Variants in WDR72 observed in about 807,000 individuals in gnomAD.
WDR72 encodes the protein WD repeat domain 72.
WDR72 carries 120 observed loss-of-function variants against 124.2 expected under a neutral mutation model. The ratio of observed to expected loss-of-function variants is 0.97; its 90% CI spans 0.83 to 1.12. The LOEUF (loss-of-function observed/expected upper bound fraction) is 1.12. Ranked by LOEUF, WDR72 falls within the 50% of genes most tolerant of loss-of-function variation. The pLI, the probability that WDR72 is intolerant of heterozygous loss-of-function variation, is 0.00. For missense variants in WDR72, 1,387 were observed against 1,278.8 expected, an observed-to-expected ratio of 1.08 and a Z score of -1.29; for synonymous variants, 452 against 441.7, an observed-to-expected ratio of 1.02 and a Z score of -0.29.
intron 1 of WDR72, among the ~76,000 whole-genome samples, chr15:53,734,878 T>C (rs2018306397): frequency 6.6e-6 from 1 of 151,782 alleles, no homozygotes; most frequent in Non-Finnish European, 1.5e-5. Context: ...TCTGGAGTTA[T>C]GTATAATACT....
At chr15:53,607,749 A>G (rs1406844338) in intron 17 of WDR72, among the ~76,000 whole-genome samples, 1 of 152,178 alleles carries the variant, frequency 6.6e-6, no homozygotes, top group Admixed American at 6.6e-5. Flanking sequence ...AATATTTGCA[A>G]ACTACCCATC....
At chr15:53,698,896 T>C (rs1201010174) in intron 13 of WDR72, among the ~76,000 whole-genome samples, 1 of 152,180 alleles carries the variant, frequency 6.6e-6, no homozygotes, top group Non-Finnish European at 1.5e-5. Context: ...TATAAAACAA[T>C]TTACAAATGT....
intron 19 of WDR72, among the ~76,000 whole-genome samples, chr15:53,520,300 A>AATT (rs1891719596): frequency 6.6e-6 from 1 of 152,088 alleles, no homozygotes; most frequent in African/African-American, 2.4e-5. Flanking sequence ...ATGATGTAAT[A>AATT]ATTATATTAG....
At chr15:53,681,454 C>A (rs550158758) in intron 13 of WDR72, among the ~76,000 whole-genome samples, 2 of 152,164 alleles carry the variant, frequency 1.3e-5, no homozygotes, top group African/African-American at 4.8e-5. Context: ...GTGAAGCCCC[C>A]GTAAACATTA....
rs866058040 is a variant in WDR72 at position 53,655,248 on chromosome 15, A to G, written c.1962+10324T>C. Among the ~76,000 whole-genome samples, 338 of 149,804 alleles carry G rather than the reference A, an allele frequency of 2.3e-3. 2 individuals are homozygous for G. The highest frequency in any genetic ancestry group is 7.8e-3 in the African/African-American group (317 of 40,528). On this transcript the variant is annotated intron_variant, in intron 14 of 19. Transcript: ENST00000360509. ...GCCATCTCAAAAAAAAAAAAAAAAA[A>G]AAAAAAAAAAAAGAGATCTTAAAGA...
chr15:53,713,664 G>C (rs1371600950), intron 6 of WDR72, among the ~76,000 whole-genome samples: 1 of 151,722 alleles, frequency 6.6e-6, no homozygotes, highest in African/African-American at 2.4e-5. Flanking sequence ...CACCATGTTG[G>C]ACAGGCTAGT....
At chr15:53,679,532 A>G (rs1487414309) in intron 13 of WDR72, among the ~76,000 whole-genome samples, 1 of 152,196 alleles carries the variant, frequency 6.6e-6, no homozygotes, top group Non-Finnish European at 1.5e-5. Context: ...TATGAGGCTG[A>G]GGATGGAGAG....
chr15:53,605,205 G>A (rs1002549160), intron 17 of WDR72, among the ~76,000 whole-genome samples: 2 of 152,128 alleles, frequency 1.3e-5, no homozygotes, highest in Non-Finnish European at 2.9e-5. Flanking sequence ...GGATGGAGTC[G>A]GCGGCCATTA....
At chr15:53,614,835 A>G (rs2013688907) in intron 15 of WDR72, among the ~76,000 whole-genome samples, 1 of 152,090 alleles carries the variant, frequency 6.6e-6, no homozygotes, top group Non-Finnish European at 1.5e-5. Flanking sequence ...CCACACAGCT[A>G]GTGTAATCTC....
At chr15:53,559,792 A>G (rs1182265457) in intron 18 of WDR72, among the ~76,000 whole-genome samples, 1 of 151,998 alleles carries the variant, frequency 6.6e-6, no homozygotes, top group Non-Finnish European at 1.5e-5. Context: ...GGGTTTGCCA[A>G]TTATGTTCTC....
At position 53,609,604 on chromosome 15, in the gene WDR72, C is replaced by T. The variant is rs769465030; in HGVS notation, c.2873-12G>A. 2 of 1,606,188 alleles carry T rather than the reference C, an allele frequency of 1.2e-6. No homozygotes were observed. Among genetic ancestry groups the T allele is most frequent in the South Asian group, 1.1e-5 (1 of 90,946 alleles). On this transcript the variant is annotated splice_polypyrimidine_tract_variant and intron_variant, in intron 16 of 19. Coordinates refer to ENST00000360509, the MANE Select transcript of WDR72 (RefSeq NM_182758.4). The stretch of plus-strand genomic sequence containing the variant: ...GGATTCATTCTTACCTAGAAATATA[C>T]AGAACACACTTGTATCTTTAGAGTA...
chr15:53,677,813 CTCT>C (rs2016227447), intron 13 of WDR72, among the ~76,000 whole-genome samples: 1 of 152,154 alleles, frequency 6.6e-6, no homozygotes. Flanking sequence ...TTTTCTCATC[CTCT>C]TCTTTATCAT....
chr15:53,701,559 T>TCTCTCTCTCTCTCTCTCACA (rs369568228), intron 12 of WDR72, among the ~76,000 whole-genome samples: 22 of 120,092 alleles, frequency 1.8e-4, no homozygotes, highest in East Asian at 8.7e-4. Flanking sequence ...TCTCTCTCTC[T>TCTCTCTCTCTCTCTCTCACA]CACACACACA....
At chr15:53,630,338 G>A (rs149242721) in intron 14 of WDR72, among the ~76,000 whole-genome samples, 2 of 152,140 alleles carry the variant, frequency 1.3e-5, no homozygotes, top group East Asian at 1.9e-4. Flanking sequence ...GAAGTGGTGC[G>A]AGAACACTTC....
chr15:53,578,011 C>T (rs2011703444), intron 18 of WDR72, among the ~76,000 whole-genome samples: 1 of 152,128 alleles, frequency 6.6e-6, no homozygotes, highest in Admixed American at 6.6e-5. Flanking sequence ...AAAATATCTT[C>T]ACCATCATAT....
At chr15:53,690,446 A>G (rs2016801803) in intron 13 of WDR72, among the ~76,000 whole-genome samples, 1 of 152,104 alleles carries the variant, frequency 6.6e-6, no homozygotes, top group Non-Finnish European at 1.5e-5. Flanking sequence ...CCACCCTCCC[A>G]CAACCACATC....
intron 13 of WDR72, among the ~76,000 whole-genome samples, chr15:53,685,291 G>A (rs559727484): frequency 7.2e-6 from 1 of 138,890 alleles, no homozygotes; most frequent in African/African-American, 2.7e-5. Flanking sequence ...CAAACCAAAG[G>A]CAAAGAAGTT....
At chr15:53,740,622 C>T (rs2140878846) in intron 1 of WDR72, among the ~76,000 whole-genome samples, 1 of 152,310 alleles carries the variant, frequency 6.6e-6, no homozygotes, top group South Asian at 2.1e-4. Context: ...TTCTACATTC[C>T]TTCTGAAATA....
intron 18 of WDR72, among the ~76,000 whole-genome samples, chr15:53,596,385 C>G (rs2012775541): frequency 6.6e-6 from 1 of 152,038 alleles, no homozygotes; most frequent in Non-Finnish European, 1.5e-5. Flanking sequence ...AATTTAGACT[C>G]ACTTGTTGGC....
Sources: gnomAD v4.1 joint callset for allele counts (sites outside exome capture counted in the v4.1 genomes callset) on GRCh38, gnomAD v4.1.1 for gene constraint, MANE v1.5 for transcripts, NCBI Gene and HGNC (gene_info 2026-07-23, HGNC 2026-07-21) for gene names.